Variants in ABLIM2 observed in about 807,000 individuals in gnomAD.
The protein encoded by ABLIM2 is actin-binding LIM protein 2.
A neutral mutation model predicts 97.7 loss-of-function variants in ABLIM2; 53 were observed. The observed-to-expected ratio is 0.54, with a 90% confidence interval of 0.44 to 0.68. The LOEUF is 0.68. ABLIM2 is among the 30% of genes least tolerant of loss of function. The probability of loss-of-function intolerance (pLI) is 0.00; values close to 1 mark genes in which losing one functional copy is unlikely to be tolerated. For synonymous variants in ABLIM2, 361 were observed against 345.8 expected (o/e 1.04, Z -0.49); for missense variants, 835 against 867.2 (o/e 0.96, Z 0.47).
At chr4:8,025,908 C>T (rs375111988) in intron 12 of ABLIM2, among the ~76,000 whole-genome samples, 6 of 152,348 alleles carry the variant, frequency 3.9e-5, no homozygotes, top group African/African-American at 1.4e-4. Flanking sequence ...CTCTGGGTTT[C>T]AGGACCGCCC....
chr4:7,968,298 G>C (rs1389578011), intron 20 of ABLIM2, among the ~76,000 whole-genome samples: 2 of 152,248 alleles, frequency 1.3e-5, no homozygotes, highest in African/African-American at 4.8e-5. Context: ...ACTCCACACA[G>C]TTATCATATG....
intron 9 of ABLIM2, among the ~76,000 whole-genome samples, chr4:8,042,519 C>A (rs968511214): frequency 2.6e-5 from 4 of 152,184 alleles, no homozygotes; most frequent in African/African-American, 9.7e-5. Context: ...CATATTTCTA[C>A]ATGGCCACCC....
intron 1 of ABLIM2, among the ~76,000 whole-genome samples, chr4:8,108,366 G>A (rs1160648818): frequency 1.3e-5 from 2 of 152,192 alleles, no homozygotes; most frequent in Non-Finnish European, 2.9e-5. Flanking sequence ...TGATCTCATT[G>A]ACAGACTGAA....
rs1377084332 is a variant in ABLIM2, at chr4:8,150,853, G to C, written c.10+7827C>G. On this transcript the variant is annotated intron_variant, in intron 1 of 20. Transcript: ENST00000447017. The surrounding 1 kb of genome is among the most constrained non-coding windows in gnomAD (Gnocchi z 6.3). The stretch of plus-strand genomic sequence containing the variant: ...AGACAGCAGGACCAGAGAAGGGGAG[G>C]GGAAGCTATGAACCCAGCCTAGGGT... Among the ~76,000 whole-genome samples the C allele has an allele frequency of 5.9e-5, 9 of 152,138 alleles. No individual in the cohort carries two copies. The highest frequency in any genetic ancestry group is 2.2e-4 in the African/African-American group (9 of 41,430).
At chr4:8,008,943 A>G in intron 15 of ABLIM2, 107 bp downstream of exon 15, 1 of 1,375,710 alleles carries the variant, frequency 7.3e-7, no homozygotes, top group Non-Finnish European at 1.0e-6. Flanking sequence ...GCCCCTAAGG[A>G]ACAGAATGTA....
intron 1 of ABLIM2, among the ~76,000 whole-genome samples, chr4:8,145,188 T>C (rs1372581272): frequency 1.4e-5 from 2 of 139,468 alleles, no homozygotes; most frequent in Non-Finnish European, 3.0e-5. Context: ...AGGTATTGAT[T>C]TTTTTTTTTT....
intron 1 of ABLIM2, among the ~76,000 whole-genome samples, chr4:8,108,220 A>T (rs1404479499): frequency 6.6e-6 from 1 of 152,234 alleles, no homozygotes; most frequent in Admixed American, 6.5e-5. Flanking sequence ...TCCCCTCTGC[A>T]TTCTGCCAGC....
chr4:8,107,547 C>G (rs867645613), intron 1 of ABLIM2, among the ~76,000 whole-genome samples: 1 of 152,158 alleles, frequency 6.6e-6, no homozygotes, highest in Non-Finnish European at 1.5e-5. Flanking sequence ...CCACACAGGA[C>G]CCGGGCAGGA....
At chr4:8,084,101 T>C (rs1645791542) in intron 4 of ABLIM2, among the ~76,000 whole-genome samples, 1 of 152,208 alleles carries the variant, frequency 6.6e-6, no homozygotes, top group South Asian at 2.1e-4. Context: ...ACAAGGACTC[T>C]GACCGAGCTC....
chr4:8,036,042 A>C lies in ABLIM2; in HGVS notation c.1047+107T>G. The C allele has an allele frequency of 2.2e-6, 3 of 1,356,968 alleles. No homozygotes were observed. In the South Asian group the frequency reaches 4.3e-5, roughly 19 times the overall value. The allele number at this position is 1,356,968 out of a possible 1,614,324, so 84.1% of individuals were successfully genotyped here. A position where few individuals can be genotyped will look rare whatever the true frequency, so the allele number is the denominator to read the frequency against. The stretch of plus-strand genomic sequence containing the variant: ...CTGAGCGTGTGGGTGAGTGGTGAAG[A>C]TGGAAGTGGCTCTGGCCCCATAGGA... On this transcript the variant is annotated intron_variant, in intron 10 of 20. Transcript: ENST00000447017.
Position 8,003,557 on chromosome 4 carries a change from TTTTC to T in ABLIM2, c.1618+4498_1618+4501del, listed in dbSNP as rs1333953267. ...CTGGACCACTACGCTCTTCTTCCAG[TTTTC>T]TTTTTTTTTTTTTTTTTTTTTGGAG... On this transcript the variant is annotated intron_variant, in intron 16 of 20. Transcript: ENST00000447017. The surrounding 1 kb of genome is among the most constrained non-coding windows in gnomAD (Gnocchi z 4.2). 6.7e-6 allele frequency among the ~76,000 whole-genome samples: 1 copy of T among 150,360 alleles called. No homozygotes were observed. The highest frequency in any genetic ancestry group is 2.5e-5 in the African/African-American group (1 of 40,748).
In ABLIM2 at chr4:8,124,987, G is replaced by T. The variant is rs1025402276; in HGVS notation, c.11-18350C>A. ...CCTGTGGGCGAATGATGCTGGGCAT[G>T]GTTCATGTGTAGATTCTCCCTCTGG... On this transcript the variant is annotated intron_variant, in intron 1 of 20. Coordinates refer to ENST00000447017, the MANE Select transcript of ABLIM2 (RefSeq NM_001130083.2). This position sits in a 1 kb window ranked among gnomAD's most constrained non-coding sequence, Gnocchi z 6.1. Among the ~76,000 whole-genome samples the T allele has an allele frequency of 1.3e-5, 2 of 152,174 alleles. No homozygotes were observed. The highest frequency in any genetic ancestry group is 2.9e-5 in the Non-Finnish European group (2 of 68,036).
rs1169363145 is a variant in ABLIM2 at position 8,046,292 on chromosome 4, C to A, written c.823-1051G>T. ...CCTTCTGTGGTCCCCACACCTCTGG[C>A]TGCACCTGCTGTCCCTCCCCACCTG... On this transcript the variant is annotated intron_variant, in intron 8 of 20. Transcript: ENST00000447017. This position sits in a 1 kb window ranked among gnomAD's most constrained non-coding sequence, Gnocchi z 4.4. Among the ~76,000 whole-genome samples the A allele has an allele frequency of 6.6e-6, 1 of 152,146 alleles. No homozygotes were observed. The highest frequency in any genetic ancestry group is 2.4e-5 in the African/African-American group (1 of 41,428).
chr4:8,027,375 G>A (rs939042384), intron 12 of ABLIM2, among the ~76,000 whole-genome samples: 3 of 152,182 alleles, frequency 2.0e-5, no homozygotes, highest in Non-Finnish European at 4.4e-5. Flanking sequence ...CCTCCGTACA[G>A]CGTAGCTTCT....
chr4:7,998,552 A>G lies in ABLIM2; in HGVS notation c.1619-5625T>C, dbSNP rs1023399788. The G allele has an allele frequency of 7.9e-5, 36 of 456,268 alleles. No homozygotes were observed. Among genetic ancestry groups the G allele is most frequent in the Non-Finnish European group, 8.9e-6 (2 of 225,896 alleles). 28.3% of individuals were successfully genotyped at this position (456,268 alleles called of 1,614,324 possible). A position where few individuals can be genotyped will look rare whatever the true frequency, so the allele number is the denominator to read the frequency against. On this transcript the variant is annotated intron_variant, in intron 16 of 20. Coordinates refer to ENST00000447017, the MANE Select transcript of ABLIM2 (RefSeq NM_001130083.2). The surrounding 1 kb of genome is among the most constrained non-coding windows in gnomAD (Gnocchi z 6.4). Reference sequence around the variant, plus strand: ...TGGGTGGGGGTGGGAGATGCCTGCCACGGGTGGAGACCATGCCCCTGGGTT... The same window carrying G: ...TGGGTGGGGGTGGGAGATGCCTGCCGCGGGTGGAGACCATGCCCCTGGGTT...
At chr4:8,000,589 A>T (rs1206720298) in intron 16 of ABLIM2, among the ~76,000 whole-genome samples, 1 of 152,100 alleles carries the variant, frequency 6.6e-6, no homozygotes, top group Non-Finnish European at 1.5e-5. Context: ...GGGCCCCCTC[A>T]GGTGCTCTTC....
chr4:8,137,426 G>A (rs375238820), intron 1 of ABLIM2, among the ~76,000 whole-genome samples: 25 of 152,294 alleles, frequency 1.6e-4, no homozygotes, highest in Admixed American at 3.3e-4. Context: ...CACAGACATC[G>A]TGCCCCATGG....
At chr4:7,985,494 A>G (rs1372132524) in intron 17 of ABLIM2, among the ~76,000 whole-genome samples, 4 of 152,106 alleles carry the variant, frequency 2.6e-5, no homozygotes, top group African/African-American at 7.2e-5. Context: ...TCTCAGAGCT[A>G]CGCGGACGCA....
intron 14 of ABLIM2, among the ~76,000 whole-genome samples, chr4:8,014,656 G>T (rs1398760448): frequency 6.6e-6 from 1 of 152,230 alleles, no homozygotes; most frequent in Non-Finnish European, 1.5e-5. Flanking sequence ...CCAGCACTGG[G>T]ACAAGCCTAG....
Sources: allele counts gnomAD v4.1 joint callset (sites outside exome capture counted in the v4.1 genomes callset), GRCh38; gene constraint gnomAD v4.1.1; non-coding constraint Gnocchi (gnomAD v3.1); transcripts MANE v1.5; gene names NCBI Gene and HGNC (gene_info 2026-07-23, HGNC 2026-07-21).